CHMP2B: variants seen among roughly 807,000 people sequenced by gnomAD.
CHMP2B encodes the protein VPS2 homolog B.
Under a neutral mutation model 29.8 loss-of-function variants are expected in CHMP2B, and 22 were observed. The observed-to-expected ratio is 0.74, with a 90% CI of 0.53 to 1.05. CHMP2B has a LOEUF of 1.05. Among genes scored for constraint, CHMP2B ranks in the 50% least tolerant of loss-of-function variants. CHMP2B has a pLI of 0.00. For synonymous variants in CHMP2B, 78 were observed against 75.8 expected (o/e 1.03, Z -0.15); for missense variants, 261 against 252.2 (o/e 1.03, Z -0.24).
Position 87,245,839 on chromosome 3 carries a change from T to G in CHMP2B, c.252T>G (p.Ser84=), listed in dbSNP as rs144624883. Residue 84 remains serine (S), a synonymous_variant, in exon 3 of 6, where the codon TCT becomes TCG. Transcript: ENST00000263780. ...TTGCTGTAAGTTCAAAAGTTACTTC[T>G]ATGTCTACACAAACAAAAGTGATGA... is the stretch of plus-strand genomic sequence containing the variant. ...RTFAVSSKVT[S]MSTQTKVMNS... is the part of the protein sequence containing the mutation. 6.2e-7 allele frequency: 1 copy of G among 1,613,824 alleles called. No individual in the cohort carries two copies. Among genetic ancestry groups the G allele is most frequent in the East Asian group, 2.2e-5 (1 of 44,814 alleles).
intron 1 of CHMP2B, among the ~76,000 whole-genome samples, chr3:87,228,994 T>G (rs999887429): frequency 3.3e-5 from 5 of 152,168 alleles, no homozygotes; most frequent in Admixed American, 1.3e-4. Context: ...ACAGTTTTTT[T>G]TTGTTGTTTA....
At chr3:87,228,191 T>C (rs1705847907) in intron 1 of CHMP2B, among the ~76,000 whole-genome samples, 1 of 152,224 alleles carries the variant, frequency 6.6e-6, no homozygotes, top group African/African-American at 2.4e-5. Context: ...GGGGTATATA[T>C]TGTCTTCATA....
chr3:87,235,173 G>C (rs1295754475), intron 1 of CHMP2B, among the ~76,000 whole-genome samples: 1 of 152,056 alleles, frequency 6.6e-6, no homozygotes, highest in Non-Finnish European at 1.5e-5. Flanking sequence ...TGTAATCTTG[G>C]GATGGAATCA....
chr3:87,234,211 G>A (rs1705959002), intron 1 of CHMP2B, among the ~76,000 whole-genome samples: 1 of 152,224 alleles, frequency 6.6e-6, no homozygotes. Context: ...TCAAGTTGGG[G>A]CTTGGCCTCA....
intron 4 of CHMP2B, among the ~76,000 whole-genome samples, chr3:87,251,128 A>G (rs191581826): frequency 1.3e-5 from 2 of 152,044 alleles, no homozygotes; most frequent in East Asian, 3.9e-4. Context: ...ATAGTATCTA[A>G]TTAAGTTACC....
intron 4 of CHMP2B, among the ~76,000 whole-genome samples, chr3:87,250,419 G>A (rs1706294622): frequency 6.6e-6 from 1 of 151,720 alleles, no homozygotes; most frequent in Admixed American, 6.6e-5. Flanking sequence ...ATGTTATGGT[G>A]GAAACACAGA....
chr3:87,253,888 TTC>T lies in CHMP2B; in HGVS notation c.*68_*69del, dbSNP rs1057172568. On this transcript the variant is annotated 3_prime_UTR_variant, in exon 6 of 6. Coordinates refer to ENST00000263780, the MANE Select transcript of CHMP2B (RefSeq NM_014043.4). Reference sequence around the variant, plus strand: ...AGTATAAACCAAGCACAGTGCAGATTTCTTTTACAAAACACATGTATTTTGCA... The same window carrying T: ...AGTATAAACCAAGCACAGTGCAGATTTTTTACAAAACACATGTATTTTGCA... The T allele has an allele frequency of 6.6e-6, 8 of 1,213,898 alleles. No individual in the cohort carries two copies. Among genetic ancestry groups the T allele is most frequent in the Middle Eastern group, 2.0e-4 (1 of 5,116 alleles). 75.2% of individuals were successfully genotyped at this position (1,213,898 alleles called of 1,614,324 possible).
Position 87,253,705 on chromosome 3 carries a change from A to T in CHMP2B, c.532-7A>T. On this transcript the variant is annotated splice_region_variant and splice_polypyrimidine_tract_variant and intron_variant, in intron 5 of 5. Coordinates refer to ENST00000263780, the MANE Select transcript of CHMP2B (RefSeq NM_014043.4). Reference sequence around the variant, plus strand: ...TGCACGTTTGTCTTTTTCATTGTTTAATATAGATGGCCAAAGCTCCATCAG... The same window carrying T: ...TGCACGTTTGTCTTTTTCATTGTTTTATATAGATGGCCAAAGCTCCATCAG... 6.2e-7 allele frequency: 1 copy of T among 1,609,654 alleles called. No individual in the cohort carries two copies. Among genetic ancestry groups the T allele is most frequent in the South Asian group, 1.1e-5 (1 of 90,966 alleles).
In CHMP2B at chr3:87,240,799, A is replaced by ACT; in HGVS notation, c.126+9_126+10insCT. ...AACAAGAAAAACAGCTGGTAAGTAG[A>ACT]ACGTTAAATTTCAGTTTAACTTTTC... is the stretch of plus-strand genomic sequence containing the variant. On this transcript the variant is annotated intron_variant, in intron 2 of 5. Transcript: ENST00000263780. 6.2e-7 allele frequency: 1 copy of ACT among 1,603,436 alleles called. No homozygotes were observed. The highest frequency in any genetic ancestry group is 1.1e-5 in the South Asian group (1 of 90,896).
At chr3:87,245,589 T>G in intron 2 of CHMP2B, 125 bp from the exon 3 acceptor site, 1 of 777,920 alleles carries the variant, frequency 1.3e-6, no homozygotes, top group Non-Finnish European at 2.1e-6. Context: ...TTATAATAGC[T>G]TCTTCCCCTC....
intron 3 of CHMP2B, among the ~76,000 whole-genome samples, chr3:87,247,778 A>C (rs1480080553): frequency 2.6e-5 from 4 of 152,210 alleles, no homozygotes; most frequent in Non-Finnish European, 5.9e-5. Flanking sequence ...GTTAGAAGGA[A>C]TAAATTCAAT....
At chr3:87,237,191 G>A (rs964076552) in intron 1 of CHMP2B, among the ~76,000 whole-genome samples, 4 of 152,122 alleles carry the variant, frequency 2.6e-5, no homozygotes, top group African/African-American at 9.7e-5. Flanking sequence ...GATGTCTGAG[G>A]AAAGATGTGT....
At chr3:87,239,893 G>C (rs1258699002) in intron 1 of CHMP2B, among the ~76,000 whole-genome samples, 1 of 152,138 alleles carries the variant, frequency 6.6e-6, no homozygotes, top group African/African-American at 2.4e-5. Context: ...TAATCATGAT[G>C]ATCAAGTGGC....
At chr3:87,237,103 T>C (rs1706030309) in intron 1 of CHMP2B, among the ~76,000 whole-genome samples, 1 of 152,142 alleles carries the variant, frequency 6.6e-6, no homozygotes. Flanking sequence ...TGTTTGGGTG[T>C]TGGCGGATGA....
chr3:87,253,672 T>C (rs1238944953), intron 5 of CHMP2B, 40 bp from the exon 6 acceptor site: 2 of 1,548,048 alleles, frequency 1.3e-6, no homozygotes, highest in African/African-American at 1.4e-5. Context: ...AGTCCAAATG[T>C]TTCCTAATGC....
Position 87,254,990 on chromosome 3 carries a change from C to T in CHMP2B, c.*1168C>T, listed in dbSNP as rs1026501218. The T allele has an allele frequency of 6.6e-6, 1 of 151,640 alleles. No individual in the cohort carries two copies. Among genetic ancestry groups the T allele is most frequent in the Non-Finnish European group, 1.5e-5 (1 of 67,860 alleles). 9.4% of individuals were successfully genotyped at this position (151,640 alleles called of 1,614,324 possible). On this transcript the variant is annotated 3_prime_UTR_variant, in exon 6 of 6. Transcript: ENST00000263780. ...CCTTGGTATCTAATGAATGTGTAGA[C>T]AGGGAGATAAAATGAAGGATTGCCA... is the stretch of plus-strand genomic sequence containing the variant.
intron 1 of CHMP2B, among the ~76,000 whole-genome samples, chr3:87,239,423 A>G (rs1559607071): frequency 6.6e-6 from 1 of 152,050 alleles, no homozygotes; most frequent in Non-Finnish European, 1.5e-5. Context: ...TTTTGAGTTA[A>G]TGTTTGTATA....
At position 87,227,329 on chromosome 3, in the gene CHMP2B, G is replaced by T. The variant is rs893029176; in HGVS notation, c.-194G>T. ...AGTGTGTTAGTTCCCGGTCACCTGA[G>T]CTCCGGGTGACGCGGCTGCGGTAGC... On this transcript the variant is annotated 5_prime_UTR_variant, in exon 1 of 6. Coordinates refer to ENST00000263780, the MANE Select transcript of CHMP2B (RefSeq NM_014043.4). The T allele has an allele frequency of 6.3e-6, 4 of 638,698 alleles. No homozygotes were observed. Among genetic ancestry groups the T allele is most frequent in the Admixed American group, 5.2e-5 (2 of 38,628 alleles). 39.6% of individuals were successfully genotyped at this position (638,698 alleles called of 1,614,324 possible). A position where few individuals can be genotyped will look rare whatever the true frequency, so the allele number is the denominator to read the frequency against.
chr3:87,252,486 G>C, intron 4 of CHMP2B, among the ~76,000 whole-genome samples: 1 of 151,748 alleles, frequency 6.6e-6, no homozygotes, highest in East Asian at 1.9e-4. Context: ...CTTTGCCCAG[G>C]CCATTCCATT....
Sources: allele counts gnomAD v4.1 joint callset (sites outside exome capture counted in the v4.1 genomes callset), GRCh38; gene constraint gnomAD v4.1.1; transcripts MANE v1.5; gene names NCBI Gene and HGNC (gene_info 2026-07-23, HGNC 2026-07-21).